CNIH3: variants seen among roughly 807,000 people sequenced by gnomAD.
CNIH3 encodes cornichon family AMPA receptor auxiliary protein 3.
A neutral mutation model predicts 24.1 loss-of-function variants in CNIH3; 14 were observed. The ratio of observed to expected loss-of-function variants is 0.58; its 90% CI spans 0.38 to 0.91. The LOEUF (loss-of-function observed/expected upper bound fraction) is 0.91, where lower values mean the gene tolerates loss of function less well. Among genes scored for constraint, CNIH3 ranks in the 40% least tolerant of loss-of-function variants. The pLI is 0.00. For missense variants in CNIH3, 178 were observed against 196.8 expected (o/e 0.90, Z 0.57); for synonymous variants, 68 against 73.8 (o/e 0.92, Z 0.40).
chr1:224,490,846 A>G (rs1278866772), intron 1 of CNIH3, among the ~76,000 whole-genome samples: 1 of 152,226 alleles, frequency 6.6e-6, no homozygotes, highest in Non-Finnish European at 1.5e-5. Context: ...GACTCCAGGG[A>G]TGCCTCATGG....
chr1:224,478,679 T>C (rs1210466306), intron 1 of CNIH3, among the ~76,000 whole-genome samples: 1 of 152,216 alleles, frequency 6.6e-6, no homozygotes, highest in African/African-American at 2.4e-5. Context: ...GCTGAGGTCC[T>C]GGATAGTCTT....
rs1229296169 is a variant in CNIH3 at position 224,461,674 on chromosome 1, T to C, written n.203+26812T>C. 7.9e-5 allele frequency among the ~76,000 whole-genome samples: 12 copies of C among 152,298 alleles called. No homozygotes were observed. In the East Asian group the frequency reaches 1.9e-3, roughly 24 times the overall value. ...TTAACATACTACAAAATTCACCCAT[T>C]TAAAATGGACACAATTCATTGGTTT... On this transcript the variant is annotated intron_variant and non_coding_transcript_variant, in intron 1 of 5. Transcript: ENST00000471578.
chr1:224,703,404 A>G lies in CNIH3; in HGVS notation c.198+18561A>G, dbSNP rs925373347. 3.3e-5 allele frequency among the ~76,000 whole-genome samples: 5 copies of G among 152,206 alleles called. No individual in the cohort carries two copies. The highest frequency in any genetic ancestry group is 1.2e-4 in the African/African-American group (5 of 41,456). ...GGAAATTTTAAAAATCCTGATGCCC[A>G]GAATTCATCCCAAACCAATTAAGTC... On this transcript the variant is annotated intron_variant, in intron 3 of 5. Transcript: ENST00000272133. The surrounding 1 kb of genome is among the most constrained non-coding windows in gnomAD (Gnocchi z 4.2).
At chr1:224,573,210 GAACA>G (rs1244162049) in intron 4 of CNIH3, among the ~76,000 whole-genome samples, 8 of 152,090 alleles carry the variant, frequency 5.3e-5, no homozygotes, top group Non-Finnish European at 1.0e-4. Flanking sequence ...TCTTTTCAAA[GAACA>G]AACTTATGGT....
intron 4 of CNIH3, among the ~76,000 whole-genome samples, chr1:224,572,515 TA>T (rs772549317): frequency 0.02 from 2,233 of 114,074 alleles, 33 homozygotes; most frequent in East Asian, 0.072. Context: ...AACTCCATCT[TA>T]AAAAAAAAAA....
intron 1 of CNIH3, among the ~76,000 whole-genome samples, chr1:224,488,059 T>C (rs1009347406): frequency 2.0e-5 from 3 of 151,998 alleles, no homozygotes; most frequent in African/African-American, 7.2e-5. Flanking sequence ...TTTTTGATGC[T>C]GAATATATAA....
intron 3 of CNIH3, among the ~76,000 whole-genome samples, chr1:224,690,222 A>G (rs892159691): frequency 2.0e-5 from 3 of 152,070 alleles, no homozygotes; most frequent in African/African-American, 7.2e-5. Context: ...ATTTTTTGAG[A>G]CAGAGTCTCA....
At position 224,604,566 on chromosome 1, in the gene CNIH3, G is replaced by A. The variant is rs1188291368; in HGVS notation, n.402+38302G>A. Reference sequence around the variant, plus strand: ...GAAGAGACAAGTCCTCAGAGATGTGGTTATGTGGCACCAGGGAGGCTGGAG... The same window carrying A: ...GAAGAGACAAGTCCTCAGAGATGTGATTATGTGGCACCAGGGAGGCTGGAG... On this transcript the variant is annotated intron_variant and non_coding_transcript_variant, in intron 3 of 7. Coordinates refer to the CNIH3 transcript ENST00000478120. The surrounding 1 kb of genome is among the most constrained non-coding windows in gnomAD (Gnocchi z 4.4). Among the ~76,000 whole-genome samples the A allele has an allele frequency of 6.6e-6, 1 of 152,190 alleles. No individual in the cohort carries two copies. Among genetic ancestry groups the A allele is most frequent in the Non-Finnish European group, 1.5e-5 (1 of 68,038 alleles).
intron 4 of CNIH3, among the ~76,000 whole-genome samples, chr1:224,580,471 A>G (rs1390116239): frequency 1.3e-5 from 2 of 152,198 alleles, no homozygotes; most frequent in Non-Finnish European, 2.9e-5. Context: ...TTCAATATTT[A>G]AAGCGGAAAA....
Position 224,739,694 on chromosome 1 carries a change from A to G in CNIH3, c.*338A>G. ...GCTTCCTGAATCCACTTCATTGAAC[A>G]GCACCTTGCAAGTTCAAATGAGTTC... is the stretch of plus-strand genomic sequence containing the variant. On this transcript the variant is annotated 3_prime_UTR_variant, in exon 6 of 6. Transcript: ENST00000272133. 2.7e-6 allele frequency: 1 copy of G among 364,908 alleles called. No individual in the cohort carries two copies. The allele number at this position is 364,908 out of a possible 1,614,324, so 22.6% of individuals were successfully genotyped here. A position where few individuals can be genotyped will look rare whatever the true frequency, so the allele number is the denominator to read the frequency against.
intron 1 of CNIH3, among the ~76,000 whole-genome samples, chr1:224,516,995 G>A (rs1209885107): frequency 6.6e-6 from 1 of 152,146 alleles, no homozygotes; most frequent in Non-Finnish European, 1.5e-5. Context: ...TTTTTAGGGG[G>A]TAGGGGAAGA....
At chr1:224,502,171 G>C (rs1273669770) in intron 1 of CNIH3, among the ~76,000 whole-genome samples, 4 of 152,134 alleles carry the variant, frequency 2.6e-5, no homozygotes, top group Non-Finnish European at 5.9e-5. Flanking sequence ...GGTTTTCTTG[G>C]GGTCCTCAGA....
At chr1:224,639,994 C>A (rs145266680) in intron 1 of CNIH3, among the ~76,000 whole-genome samples, 4 of 152,154 alleles carry the variant, frequency 2.6e-5, no homozygotes, top group African/African-American at 9.7e-5. Context: ...GACATGTACC[C>A]CTGCCTTTAA....
chr1:224,536,061 A>C (rs770044481), intron 2 of CNIH3, among the ~76,000 whole-genome samples: 67 of 152,176 alleles, frequency 4.4e-4, no homozygotes, highest in Non-Finnish European at 7.9e-4. Flanking sequence ...GGTGCAAAGA[A>C]GAGTGGACAA....
chr1:224,564,222 A>G (rs1680490950), intron 3 of CNIH3, among the ~76,000 whole-genome samples: 1 of 152,224 alleles, frequency 6.6e-6, no homozygotes, highest in Non-Finnish European at 1.5e-5. Flanking sequence ...CATAGTATCA[A>G]TAACTGTTTA....
intron 1 of CNIH3, among the ~76,000 whole-genome samples, chr1:224,629,303 G>A (rs1683702849): frequency 2.0e-5 from 3 of 151,034 alleles, no homozygotes; most frequent in South Asian, 2.1e-4. Flanking sequence ...CACCATGCCC[G>A]GCTGCAATGT....
intron 4 of CNIH3, among the ~76,000 whole-genome samples, chr1:224,733,080 T>A (rs925055800): frequency 6.6e-6 from 1 of 152,122 alleles, no homozygotes. Context: ...GAAAGTCCCC[T>A]CCTGCTCTGG....
In CNIH3 at chr1:224,465,236, G is replaced by A. The variant is rs186842163; in HGVS notation, n.203+30374G>A. 1.7e-3 allele frequency among the ~76,000 whole-genome samples: 256 copies of A among 152,024 alleles called. 3 individuals are homozygous for A. The East Asian group carries it at 0.018, about 11-fold the overall frequency. ...GCGATTCTCCTGCCTCAGCCTCCCA[G>A]GTAGCTGGGATTACAGGCATGCACC... On this transcript the variant is annotated intron_variant and non_coding_transcript_variant, in intron 1 of 5. Coordinates refer to the CNIH3 transcript ENST00000471578.
At position 224,618,132 on chromosome 1, in the gene CNIH3, G is replaced by A. The variant is rs141931530; in HGVS notation, c.81+877G>A. 3.0e-3 allele frequency among the ~76,000 whole-genome samples: 454 copies of A among 152,328 alleles called. 2 individuals are homozygous for A. Among genetic ancestry groups the A allele is most frequent in the African/African-American group, 0.01 (431 of 41,566 alleles). ...AGGGGAAGAGAAGTACTGAGAGAGC[G>A]CGCAGGAGTGCGTACGCCGGTCCTC... is the stretch of plus-strand genomic sequence containing the variant. On this transcript the variant is annotated intron_variant, in intron 1 of 5. Transcript: ENST00000272133.
Sources: allele counts gnomAD v4.1 joint callset (sites outside exome capture counted in the v4.1 genomes callset), GRCh38; gene constraint gnomAD v4.1.1; non-coding constraint Gnocchi (gnomAD v3.1); transcripts MANE v1.5; gene names NCBI Gene and HGNC (gene_info 2026-07-23, HGNC 2026-07-21).